Variants in SLCO3A1 observed in about 807,000 individuals in gnomAD.
The protein encoded by SLCO3A1 is solute carrier organic anion transporter family member 3A1, also known as PGE1 transporter.
SLCO3A1 carries 27 observed loss-of-function variants against 63.1 expected under a neutral mutation model. That is an observed-to-expected ratio of 0.43 (90% CI 0.32 to 0.59). SLCO3A1 has a LOEUF of 0.59. Among genes scored for constraint, SLCO3A1 ranks in the 20% least tolerant of loss-of-function variants. SLCO3A1 has a pLI of 0.09. For synonymous variants in SLCO3A1, 473 were observed against 409.9 expected (o/e 1.15, Z -1.86); for missense variants, 773 against 945.8 (o/e 0.82, Z 2.40).
At chr15:92,141,025 G>A (rs544905672) in intron 7 of SLCO3A1, among the ~76,000 whole-genome samples, 1 of 152,178 alleles carries the variant, frequency 6.6e-6, no homozygotes, top group Admixed American at 6.5e-5. Context: ...GAACGGACAA[G>A]CCTGTTCCCC....
chr15:92,168,601 G>C (rs141977105), downstream of SLCO3A1, among the ~76,000 whole-genome samples: 1 of 152,280 alleles, frequency 6.6e-6, no homozygotes, highest in African/African-American at 2.4e-5. Flanking sequence ...GGACCCTAGC[G>C]GCTGAGCATA....
rs555434828 is a variant in SLCO3A1 at position 92,121,682 on chromosome 15, G to A, written c.1174+1053G>A. Among the ~76,000 whole-genome samples, 4 of 152,212 alleles carry A rather than the reference G, an allele frequency of 2.6e-5. No individual in the cohort carries two copies. In the South Asian group the frequency reaches 8.3e-4, roughly 32 times the overall value. On this transcript the variant is annotated intron_variant, in intron 5 of 9. Coordinates refer to ENST00000318445, the MANE Select transcript of SLCO3A1 (RefSeq NM_013272.4). ...GTGGAATTTACGTAGGAAAAAATGT[G>A]TAGAGTTAAAAAAAGATAGGTGAAA...
At chr15:92,012,090 G>A (rs2046375242) in intron 2 of SLCO3A1, among the ~76,000 whole-genome samples, 1 of 152,258 alleles carries the variant, frequency 6.6e-6, no homozygotes, top group Admixed American at 6.5e-5. Flanking sequence ...GCGGAGCCCT[G>A]CAGAGCCTCG....
In SLCO3A1 at chr15:92,040,790, G is replaced by A. The variant is rs998629479; in HGVS notation, c.647-54091G>A. Among the ~76,000 whole-genome samples, 5 of 152,138 alleles carry A rather than the reference G, an allele frequency of 3.3e-5. No individual in the cohort carries two copies. In the South Asian group the frequency reaches 1.0e-3, roughly 31 times the overall value. ...TGGTCCTCAGCCTTCTTTAATTACT[G>A]TCCTTTGACTATGGGTCTCAAACAT... On this transcript the variant is annotated intron_variant, in intron 2 of 9. Coordinates refer to ENST00000318445, the MANE Select transcript of SLCO3A1 (RefSeq NM_013272.4).
At chr15:92,117,288 A>C (rs1385596723) in intron 4 of SLCO3A1, among the ~76,000 whole-genome samples, 2 of 152,214 alleles carry the variant, frequency 1.3e-5, no homozygotes, top group East Asian at 3.8e-4. Context: ...CAAAGTTGCT[A>C]ATCAGCAAAT....
intron 2 of SLCO3A1, among the ~76,000 whole-genome samples, chr15:91,964,497 G>A (rs547309590): frequency 6.6e-6 from 1 of 151,986 alleles, no homozygotes; most frequent in South Asian, 2.1e-4. Flanking sequence ...GCTCTGTGTA[G>A]TAGCTCTTGC....
rs1899877320 is a variant in SLCO3A1 at position 91,948,233 on chromosome 15, C to A, written c.646+31775C>A. On this transcript the variant is annotated intron_variant, in intron 2 of 9. Transcript: ENST00000318445. This position sits in a 1 kb window ranked among gnomAD's most constrained non-coding sequence, Gnocchi z 4.8. ...GACCTCCGGGAAGCTTTTTCCACTC[C>A]TGCTTGGCGCATGAGAATACAACCA... is the stretch of plus-strand genomic sequence containing the variant. Among the ~76,000 whole-genome samples the A allele has an allele frequency of 6.6e-6, 1 of 152,164 alleles. No individual in the cohort carries two copies. The highest frequency in any genetic ancestry group is 6.5e-5 in the Admixed American group (1 of 15,278).
At chr15:91,928,428 AC>A (rs1363386579) in intron 2 of SLCO3A1, among the ~76,000 whole-genome samples, 31 of 152,174 alleles carry the variant, frequency 2.0e-4, no homozygotes, top group Admixed American at 2.0e-3. Context: ...AGTGAGTGGC[AC>A]GGCCCAAGCT....
chr15:92,030,462 A>G (rs1359568666), intron 2 of SLCO3A1, among the ~76,000 whole-genome samples: 1 of 152,208 alleles, frequency 6.6e-6, no homozygotes, highest in East Asian at 1.9e-4. Context: ...CGCAGTCAGT[A>G]ACACAGCCAT....
chr15:91,976,587 G>T (rs571722420), intron 2 of SLCO3A1, among the ~76,000 whole-genome samples: 1 of 152,092 alleles, frequency 6.6e-6, no homozygotes, highest in South Asian at 2.1e-4. Context: ...GGGAATCCAC[G>T]TTGGGCACCA....
At chr15:91,922,383 T>G (rs1381685688) in intron 2 of SLCO3A1, among the ~76,000 whole-genome samples, 1 of 152,240 alleles carries the variant, frequency 6.6e-6, no homozygotes, top group Non-Finnish European at 1.5e-5. Flanking sequence ...GTGTCACGTT[T>G]TCTTTGTTTA....
In SLCO3A1 at chr15:92,060,550, A is replaced by G. The variant is rs2047074855; in HGVS notation, c.647-34331A>G. 2.7e-5 allele frequency among the ~76,000 whole-genome samples: 4 copies of G among 150,546 alleles called. No homozygotes were observed. In the South Asian group the frequency reaches 8.6e-4, roughly 32 times the overall value. ...ACTCTCGCTCTGTCACCCAGGCTGG[A>G]GTGCAGTGGCGCAAGCTCGGCTCAC... On this transcript the variant is annotated intron_variant, in intron 2 of 9. Transcript: ENST00000318445.
At chr15:92,019,211 A>G (rs751527156) in intron 2 of SLCO3A1, among the ~76,000 whole-genome samples, 1 of 152,072 alleles carries the variant, frequency 6.6e-6, no homozygotes, top group East Asian at 1.9e-4. Context: ...CCTGGAGTCA[A>G]ACTATCTGCC....
chr15:92,107,457 T>C (rs1403601086), intron 4 of SLCO3A1, among the ~76,000 whole-genome samples: 1 of 149,910 alleles, frequency 6.7e-6, no homozygotes, highest in Non-Finnish European at 1.5e-5. Context: ...CAGTGCACCC[T>C]GGCATTCCAA....
chr15:92,123,363 C>A (rs781383929), intron 5 of SLCO3A1, among the ~76,000 whole-genome samples: 1 of 152,032 alleles, frequency 6.6e-6, no homozygotes, highest in Non-Finnish European at 1.5e-5. Flanking sequence ...GCCGAGATCG[C>A]GCCATTGCAC....
chr15:92,060,481 A>C (rs929011935), intron 2 of SLCO3A1, among the ~76,000 whole-genome samples: 2 of 150,770 alleles, frequency 1.3e-5, no homozygotes, highest in Admixed American at 1.3e-4. Flanking sequence ...TGAACCTGGG[A>C]GGCAGAGGTT....
At chr15:91,988,491 G>A (rs76106498) in intron 2 of SLCO3A1, among the ~76,000 whole-genome samples, 4,404 of 152,000 alleles carry the variant, frequency 0.029, 117 homozygotes, top group African/African-American at 0.068. Context: ...GTGAGCCCAA[G>A]GAAAACTTGA....
chr15:91,965,165 C>T (rs1037754278), intron 2 of SLCO3A1, among the ~76,000 whole-genome samples: 1 of 152,028 alleles, frequency 6.6e-6, no homozygotes, highest in Non-Finnish European at 1.5e-5. Context: ...ATTGAGTGCC[C>T]TAGAGAACAG....
chr15:92,020,601 G>A (rs542721481), intron 2 of SLCO3A1, among the ~76,000 whole-genome samples: 81 of 152,328 alleles, frequency 5.3e-4, no homozygotes, highest in African/African-American at 1.9e-3. Context: ...TGTTGATTAA[G>A]GAAGTGAGGA....
Sources: allele counts gnomAD v4.1 joint callset (sites outside exome capture counted in the v4.1 genomes callset), GRCh38; gene constraint gnomAD v4.1.1; non-coding constraint Gnocchi (gnomAD v3.1); transcripts MANE v1.5; gene names NCBI Gene and HGNC (gene_info 2026-07-23, HGNC 2026-07-21).